Variants in SRPRB observed in about 807,000 individuals in gnomAD.
The protein encoded by SRPRB is signal recognition particle receptor subunit beta.
SRPRB carries 20 observed loss-of-function variants against 31.9 expected under a neutral mutation model. The ratio of observed to expected loss-of-function variants is 0.63; its 90% CI spans 0.44 to 0.91. The LOEUF (loss-of-function observed/expected upper bound fraction) is 0.91, where lower values mean the gene tolerates loss of function less well. Among genes scored for constraint, SRPRB ranks in the 40% least tolerant of loss-of-function variants. The probability of loss-of-function intolerance (pLI) is 0.00; values close to 1 mark genes in which losing one functional copy is unlikely to be tolerated. For synonymous variants in SRPRB, 146 were observed against 132.8 expected, an observed-to-expected ratio of 1.10 and a Z score of -0.68; for missense variants, 321 against 324.9, an observed-to-expected ratio of 0.99 and a Z score of 0.09.
At chr3:133,803,276 G>A (rs145249231), upstream of SRPRB, among the ~76,000 whole-genome samples, 23 of 152,150 alleles carry the variant, frequency 1.5e-4, no homozygotes, top group East Asian at 3.1e-3. Context: ...CCAAAAGGCC[G>A]AGAAGCGATC....
At chr3:133,818,054 A>G (rs764045629) in intron 6 of SRPRB, among the ~76,000 whole-genome samples, 28 of 152,176 alleles carry the variant, frequency 1.8e-4, no homozygotes, top group Non-Finnish European at 2.9e-4. Context: ...TCCCGTCTGG[A>G]GCTGCGAGTT....
Position 133,819,555 on chromosome 3 carries a change from A to G in SRPRB, c.605A>G (p.Asn202Ser). Residue 202 changes from asparagine (N) to serine (S), a missense_variant and splice_region_variant, in exon 7 of 7, where the codon AAC (asparagine) becomes AGC (serine). By Grantham distance (46) the Asn-to-Ser change is conservative (BLOSUM62 1). Coordinates refer to ENST00000678299, the MANE Select transcript of SRPRB (RefSeq NM_001379313.1). Reference sequence around the variant, plus strand: ...ACTTCTTTCCTTTTGCCCCACAGCAACACCTTACGAGTTACCCGTTCTGCT... The same window carrying G: ...ACTTCTTTCCTTTTGCCCCACAGCAGCACCTTACGAGTTACCCGTTCTGCT... ...LIQQQLEKEL[N>S]TLRVTRSAAP... 1 of 1,610,800 alleles carries G rather than the reference A, an allele frequency of 6.2e-7. No individual in the cohort carries two copies. Among genetic ancestry groups the G allele is most frequent in the South Asian group, 1.1e-5 (1 of 91,026 alleles).
chr3:133,823,954 A>G (rs150231161), downstream of SRPRB, among the ~76,000 whole-genome samples: 1 of 152,288 alleles, frequency 6.6e-6, no homozygotes, highest in African/African-American at 2.4e-5. Context: ...CCCCTGACTC[A>G]GTTCTGCCTG....
At chr3:133,817,981 A>G (rs917529793) in intron 6 of SRPRB, among the ~76,000 whole-genome samples, 3 of 152,224 alleles carry the variant, frequency 2.0e-5, no homozygotes, top group African/African-American at 7.2e-5. Context: ...CAAAATATTT[A>G]ATTTCTGGCT....
intron 4 of SRPRB, among the ~76,000 whole-genome samples, chr3:133,814,192 C>T (rs1042784588): frequency 1.3e-5 from 2 of 149,348 alleles, no homozygotes; most frequent in Admixed American, 6.7e-5. Flanking sequence ...AGTGCAGTGG[C>T]GCGATCTTGG....
chr3:133,801,949 T>G (rs1935068332), upstream of SRPRB, among the ~76,000 whole-genome samples: 1 of 152,192 alleles, frequency 6.6e-6, no homozygotes, highest in Non-Finnish European at 1.5e-5. Flanking sequence ...TGAAAATGAA[T>G]CCTACTATGT....
At position 133,819,646 on chromosome 3, in the gene SRPRB, T is replaced by G; in HGVS notation, c.696T>G (p.Phe232Leu). Reference protein sequence around the residue: ...PAQLGKKGKEFEFSQLPLKVE... With the variant: ...PAQLGKKGKELEFSQLPLKVE... ...AGCTGGGGAAGAAAGGCAAAGAGTT[T>G]GAATTCTCACAGTTGCCCCTCAAAG... The change falls in exon 7 of 7, where the codon TTT (phenylalanine) becomes TTG (leucine). Residue 232 changes from phenylalanine to leucine, a missense_variant. By Grantham distance (22) the Phe-to-Leu change is conservative. Coordinates refer to ENST00000678299, the MANE Select transcript of SRPRB (RefSeq NM_001379313.1). 6.2e-7 allele frequency: 1 copy of G among 1,614,218 alleles called. No individual in the cohort carries two copies. The highest frequency in any genetic ancestry group is 1.3e-5 in the African/African-American group (1 of 75,042).
chr3:133,812,578 T>C (rs1174416661), intron 4 of SRPRB, among the ~76,000 whole-genome samples: 1 of 152,244 alleles, frequency 6.6e-6, no homozygotes, highest in Non-Finnish European at 1.5e-5. Flanking sequence ...TATATTGGTA[T>C]GTGACTTTTT....
intron 6 of SRPRB, among the ~76,000 whole-genome samples, chr3:133,817,618 A>C (rs978933329): frequency 2.6e-5 from 4 of 152,184 alleles, no homozygotes; most frequent in African/African-American, 9.7e-5. Flanking sequence ...GTGTAGAAGA[A>C]ATGATCAACA....
At chr3:133,803,591 T>G (rs1285678358), upstream of SRPRB, among the ~76,000 whole-genome samples, 1 of 152,120 alleles carries the variant, frequency 6.6e-6, no homozygotes, top group Non-Finnish European at 1.5e-5. Flanking sequence ...TTTCGCTTCT[T>G]GCCCAATCAA....
At position 133,819,759 on chromosome 3, in the gene SRPRB, T is replaced by C. The variant is rs1410968328; in HGVS notation, c.809T>C (p.Ile270Thr). The change falls in exon 7 of 7, where the codon ATT (isoleucine) becomes ACT (threonine). Residue 270 changes from isoleucine to threonine, a missense_variant. Physicochemically the swap from Ile to Thr is moderately conservative, Grantham distance 89. Coordinates refer to ENST00000678299, the MANE Select transcript of SRPRB (RefSeq NM_001379313.1). ...GACTTGGAGAAATGGCTGGCTAAAATTGCCTGAGAGGCAGCTCTAAAGCAC... is the reference window on the plus strand; with the variant it reads ...GACTTGGAGAAATGGCTGGCTAAAACTGCCTGAGAGGCAGCTCTAAAGCAC... ...IQDLEKWLAK[I>T]A 1.2e-6 allele frequency: 2 copies of C among 1,613,900 alleles called. No individual in the cohort carries two copies. The highest frequency in any genetic ancestry group is 2.2e-5 in the East Asian group (1 of 44,866).
intron 3 of SRPRB, among the ~76,000 whole-genome samples, chr3:133,809,916 TTC>T (rs1274055799): frequency 1.3e-5 from 2 of 152,348 alleles, no homozygotes; most frequent in East Asian, 3.9e-4. Context: ...CATATGTGGC[TTC>T]TGTTATTCTA....
At chr3:133,817,038 T>G in intron 6 of SRPRB, 106 bp downstream of exon 6, 1 of 820,960 alleles carries the variant, frequency 1.2e-6, no homozygotes, top group Non-Finnish European at 1.8e-6. Context: ...ATCACAATTA[T>G]AGACTGAAGA....
chr3:133,808,324 TG>T (rs200583793), intron 3 of SRPRB, among the ~76,000 whole-genome samples: 20,434 of 151,016 alleles, frequency 0.14, 1,923 homozygotes, highest in East Asian at 0.43. Flanking sequence ...CCTTTATTGT[TG>T]TTTTTTTTTA....
downstream of SRPRB, chr3:133,825,462 A>G (rs1182379199): frequency 1.3e-5 from 2 of 152,214 alleles, no homozygotes; most frequent in African/African-American, 2.4e-5. Context: ...AAGGATGACA[A>G]GAAGAGAGCA....
chr3:133,819,812 T>C lies in SRPRB; in HGVS notation c.*46T>C. On this transcript the variant is annotated 3_prime_UTR_variant, in exon 7 of 7. Transcript: ENST00000678299. ...GACCTGGATGTGTGACACACAGTTT[T>C]GGAAAAAGGTCTGTGGTAGTCTGGA... 1.9e-6 allele frequency: 3 copies of C among 1,568,220 alleles called. No individual in the cohort carries two copies. The South Asian group carries it at 3.4e-5, about 18-fold the overall frequency.
At chr3:133,804,695 A>G (rs547611365), upstream of SRPRB, among the ~76,000 whole-genome samples, 14 of 151,784 alleles carry the variant, frequency 9.2e-5, no homozygotes, top group South Asian at 2.9e-3. Context: ...CCCTCCCTCC[A>G]TGGCCTTTCA....
intron 1 of SRPRB, 79 bp from the exon 2 acceptor site, chr3:133,806,530 G>C (rs1935163703): frequency 7.3e-6 from 8 of 1,093,762 alleles, no homozygotes; most frequent in Non-Finnish European, 1.1e-5. Context: ...AGACTTCTGT[G>C]AATTTCCCCA....
At chr3:133,790,503 AGAG>A (rs1934805041) in intron 1 of SRPRB, 1 of 152,266 alleles carries the variant, frequency 6.6e-6, no homozygotes, top group Admixed American at 6.5e-5. Flanking sequence ...ACCAGTAAGT[AGAG>A]GAGAACGATA....
Sources: allele counts gnomAD v4.1 joint callset (sites outside exome capture counted in the v4.1 genomes callset), GRCh38; gene constraint gnomAD v4.1.1; transcripts MANE v1.5; gene names NCBI Gene and HGNC (gene_info 2026-07-23, HGNC 2026-07-21).